WDR86: variants seen among roughly 807,000 people sequenced by gnomAD.
WDR86 encodes WD repeat-containing protein 86.
WDR86 carries 30 observed loss-of-function variants against 36.5 expected under a neutral mutation model. The ratio of observed to expected loss-of-function variants is 0.82; its 90% CI spans 0.61 to 1.11. The LOEUF is 1.11. WDR86 is among the 50% of genes most tolerant of loss of function. The probability of loss-of-function intolerance (pLI) is 0.00; values close to 1 mark genes in which losing one functional copy is unlikely to be tolerated. For synonymous variants in WDR86, 255 were observed against 252.9 expected (o/e 1.01, Z -0.08); for missense variants, 545 against 561.2 (o/e 0.97, Z 0.29).
In WDR86 at chr7:151,387,673, G is replaced by A. The variant is rs73727164; in HGVS notation, c.727-2450C>T. ...CACAGATGCGGGCCTCCACCTCCCC[G>A]GGCTCCAAGGGAGCCCCGCAGGGGT... On this transcript the variant is annotated intron_variant, in intron 3 of 5. Transcript: ENST00000334493. Among the ~76,000 whole-genome samples, 573 of 152,182 alleles carry A rather than the reference G, an allele frequency of 3.8e-3. 2 individuals are homozygous for A. The highest frequency in any genetic ancestry group is 0.013 in the African/African-American group (529 of 41,536).
At chr7:151,398,164 GTGCC>G (rs1360417304) in intron 2 of WDR86, among the ~76,000 whole-genome samples, 1 of 152,086 alleles carries the variant, frequency 6.6e-6, no homozygotes, top group African/African-American at 2.4e-5. Flanking sequence ...TGCACAATGT[GTGCC>G]TGCATGTACT....
chr7:151,399,106 T>A (rs62490303), intron 2 of WDR86, among the ~76,000 whole-genome samples: 9,342 of 152,294 alleles, frequency 0.061, 380 homozygotes, highest in Non-Finnish European at 0.083. Context: ...ACGGCCACCC[T>A]ACCTTGTGTC....
rs1460514654 is a variant in WDR86 at position 151,409,563 on chromosome 7, C to G, written c.27G>C (p.Arg9Ser). ...TGCCCCCGCGGTGGTCGGCGCAGAC[C>G]CTCAGGGCCGACCCGCCGCCCCCCA... MGGGGSAL[R>S]VCADHRGGIN... The change falls in exon 1 of 6, where the codon AGG becomes AGC. Residue 9 changes from arginine to serine, a missense_variant. Arg to Ser is a moderately radical substitution (Grantham distance 110). Coordinates refer to ENST00000334493, the MANE Select transcript of WDR86 (RefSeq NM_198285.3). This position sits in a 1 kb window ranked among gnomAD's most constrained non-coding sequence, Gnocchi z 5.2. The G allele has an allele frequency of 1.4e-6, 2 of 1,445,802 alleles. No homozygotes were observed. Among genetic ancestry groups the G allele is most frequent in the Non-Finnish European group, 9.1e-7 (1 of 1,102,484 alleles). The allele number at this position is 1,445,802 out of a possible 1,614,324, so 89.6% of individuals were successfully genotyped here.
Position 151,400,129 on chromosome 7 carries a change from C to A in WDR86, c.276G>T (p.Val92=), listed in dbSNP as rs1379666588. 2 of 1,609,794 alleles carry A rather than the reference C, an allele frequency of 1.2e-6. No individual in the cohort carries two copies. Among genetic ancestry groups the A allele is most frequent in the African/African-American group, 1.3e-5 (1 of 74,830 alleles). The change falls in exon 2 of 6, where the codon GTG becomes GTT. Residue 92 remains valine, a synonymous_variant. Transcript: ENST00000334493. The stretch of plus-strand genomic sequence containing the variant: ...TCACGATGGACGTGTGTCCTCGGTA[C>A]ACCTGCAGACACTGCCCGGTCAGCA... The part of the protein sequence containing the change: ...WDVLTGQCLQ[V]YRGHTSIVNR...
chr7:151,409,958 C>T lies in WDR86; in HGVS notation c.-369G>A. 1.9e-6 allele frequency: 2 copies of T among 1,028,754 alleles called. No homozygotes were observed. Among genetic ancestry groups the T allele is most frequent in the Non-Finnish European group, 2.3e-6 (2 of 858,968 alleles). 63.7% of individuals were successfully genotyped at this position (1,028,754 alleles called of 1,614,324 possible). ...AAGGAGCCCCCCGCCTCCTCTCGCG[C>T]CCACGGGGCTGGGGCGGGGAGAGGA... On this transcript the variant is annotated 5_prime_UTR_variant, in exon 1 of 6. Coordinates refer to ENST00000334493, the MANE Select transcript of WDR86 (RefSeq NM_198285.3). This position sits in a 1 kb window ranked among gnomAD's most constrained non-coding sequence, Gnocchi z 5.2.
At chr7:151,407,946 C>T (rs1279875190) in intron 1 of WDR86, among the ~76,000 whole-genome samples, 2 of 152,158 alleles carry the variant, frequency 1.3e-5, no homozygotes, top group Non-Finnish European at 2.9e-5. Flanking sequence ...ACACCACCCA[C>T]CCCTCTACCC....
At chr7:151,400,421 C>T (rs1800201181) in intron 1 of WDR86, among the ~76,000 whole-genome samples, 180 bp from the exon 2 acceptor site, 1 of 152,120 alleles carries the variant, frequency 6.6e-6, no homozygotes, top group Non-Finnish European at 1.5e-5. Context: ...CTCACTCTGT[C>T]ACAAGGCTGG....
intron 2 of WDR86, among the ~76,000 whole-genome samples, chr7:151,397,942 G>A (rs892572889): frequency 2.0e-5 from 3 of 152,010 alleles, no homozygotes; most frequent in African/African-American, 7.3e-5. Context: ...CTGAACGATC[G>A]GTGACCCCAA....
At chr7:151,402,070 A>AATATATATATATATATATATATATAT (rs748373598) in intron 1 of WDR86, among the ~76,000 whole-genome samples, 8 of 50,518 alleles carry the variant, frequency 1.6e-4, no homozygotes, top group Admixed American at 4.6e-4. Context: ...AAAAAAAAAA[A>AATATATATATATATATATATATATAT]ATATATATAT....
intron 3 of WDR86, among the ~76,000 whole-genome samples, chr7:151,395,107 G>A (rs1799715256): frequency 6.6e-6 from 1 of 152,226 alleles, no homozygotes; most frequent in East Asian, 1.9e-4. Context: ...CACCATTACA[G>A]CGCTATGTGC....
chr7:151,382,357 GTCC>G (rs1486918127), intron 4 of WDR86, among the ~76,000 whole-genome samples: 3 of 152,038 alleles, frequency 2.0e-5, no homozygotes, highest in Non-Finnish European at 4.4e-5. Flanking sequence ...TTATCCTCCC[GTCC>G]TCATTAACGG....
intron 1 of WDR86, among the ~76,000 whole-genome samples, chr7:151,403,076 G>C (rs1800455610): frequency 6.6e-6 from 1 of 152,224 alleles, no homozygotes; most frequent in African/African-American, 2.4e-5. Context: ...TTCATCTCTA[G>C]GTTACTTATG....
downstream of WDR86, among the ~76,000 whole-genome samples, chr7:151,373,511 T>C (rs1340765859): frequency 6.6e-6 from 1 of 152,216 alleles, no homozygotes; most frequent in Non-Finnish European, 1.5e-5. Flanking sequence ...AGAGGTTAGA[T>C]GACCTTTGTC....
At chr7:151,408,726 A>G in intron 1 of WDR86, 1 of 373,582 alleles carries the variant, frequency 2.7e-6, no homozygotes, top group Admixed American at 3.4e-5. Flanking sequence ...CTCACAGTGC[A>G]TGGGACAGGC....
At chr7:151,372,788 G>A (rs1354360010), downstream of WDR86, among the ~76,000 whole-genome samples, 3 of 152,156 alleles carry the variant, frequency 2.0e-5, no homozygotes, top group Admixed American at 6.5e-5. Context: ...CCTGTGCAGC[G>A]GGGCTGGAGC....
the WDR86 span, among the ~76,000 whole-genome samples, chr7:151,370,360 A>C: frequency 3.3e-5 from 5 of 152,180 alleles, no homozygotes; most frequent in African/African-American, 4.8e-5. Context: ...AAGTGCTGGG[A>C]TCACAGGTGT....
At chr7:151,382,957 C>G (rs1798706690) in intron 4 of WDR86, among the ~76,000 whole-genome samples, 1 of 150,258 alleles carries the variant, frequency 6.7e-6, no homozygotes, top group Non-Finnish European at 1.5e-5. Context: ...TGAGGGTGCT[C>G]TGTGGGTACT....
chr7:151,379,600 A>G (rs965269709), downstream of WDR86, among the ~76,000 whole-genome samples: 2 of 152,308 alleles, frequency 1.3e-5, no homozygotes, highest in South Asian at 2.1e-4. Context: ...GAAAATGGAC[A>G]TCTGGCCATC....
At chr7:151,398,352 T>C (rs1352520475) in intron 2 of WDR86, among the ~76,000 whole-genome samples, 1 of 152,152 alleles carries the variant, frequency 6.6e-6, no homozygotes, top group Non-Finnish European at 1.5e-5. Context: ...AGTGCATATG[T>C]ATGTTGTGTA....
Sources: allele counts gnomAD v4.1 joint callset (sites outside exome capture counted in the v4.1 genomes callset), GRCh38; gene constraint gnomAD v4.1.1; non-coding constraint Gnocchi (gnomAD v3.1); transcripts MANE v1.5; gene names NCBI Gene and HGNC (gene_info 2026-07-23, HGNC 2026-07-21).